SBF2: variants seen among roughly 807,000 people sequenced by gnomAD.
SBF2 encodes SET binding factor 2.
A neutral mutation model predicts 225.2 loss-of-function variants in SBF2; 112 were observed. The observed-to-expected ratio is 0.50, with a 90% CI of 0.43 to 0.58. SBF2 has a LOEUF of 0.58. Ranked by LOEUF, SBF2 falls within the 20% of genes least tolerant of loss-of-function variation. The pLI, the probability that SBF2 is intolerant of heterozygous loss-of-function variation, is 0.00. For missense variants in SBF2, 1,996 were observed against 2,206.2 expected, an observed-to-expected ratio of 0.90 and a Z score of 1.91; for synonymous variants, 763 against 773.3, an observed-to-expected ratio of 0.99 and a Z score of 0.22.
At chr11:9,862,737 A>T (rs1430167494) in intron 17 of SBF2, among the ~76,000 whole-genome samples, 1 of 152,070 alleles carries the variant, frequency 6.6e-6, no homozygotes, top group African/African-American at 2.4e-5. Flanking sequence ...TTATTTAAAA[A>T]AATTTTTTTT....
intron 24 of SBF2, among the ~76,000 whole-genome samples, chr11:9,844,847 T>C (rs12574461): frequency 0.083 from 12,571 of 152,198 alleles, 592 homozygotes; most frequent in East Asian, 0.16. Context: ...CCATGGCACA[T>C]GTATACCTAT....
intron 2 of SBF2, among the ~76,000 whole-genome samples, chr11:10,064,911 T>C (rs1055323920): frequency 2.6e-5 from 4 of 152,186 alleles, no homozygotes; most frequent in Non-Finnish European, 5.9e-5. Flanking sequence ...GAACAATCTG[T>C]CAATCAACTT....
intron 2 of SBF2, among the ~76,000 whole-genome samples, chr11:10,120,949 A>G: frequency 6.6e-6 from 1 of 151,656 alleles, no homozygotes; most frequent in Non-Finnish European, 1.5e-5. Flanking sequence ...TATTTTTGGT[A>G]GAGACGAGGT....
At chr11:10,296,609 C>T (rs532980302), upstream of SBF2, among the ~76,000 whole-genome samples, 5 of 152,204 alleles carry the variant, frequency 3.3e-5, no homozygotes, top group African/African-American at 9.6e-5. Flanking sequence ...TATGTATATA[C>T]CATATTTTGT....
chr11:9,845,507 C>T, intron 24 of SBF2, 58 bp downstream of exon 24: 2 of 1,449,868 alleles, frequency 1.4e-6, no homozygotes, highest in South Asian at 2.3e-5. Flanking sequence ...GGATAGGTTA[C>T]TCCTTTTGCA....
Position 10,101,645 on chromosome 11 carries a change from C to G in SBF2, c.142-58664G>C, listed in dbSNP as rs182664702. On this transcript the variant is annotated intron_variant, in intron 2 of 39. Transcript: ENST00000256190. ...TACCAGTCAAAAGTTTCTGGTGTGT[C>G]TCTCTCTCTCGCTCTGTGTGTGTGT... Among the ~76,000 whole-genome samples the G allele has an allele frequency of 1.4e-3, 173 of 127,724 alleles. 1 individual carries two copies. The highest frequency in any genetic ancestry group is 3.7e-3 in the Middle Eastern group (1 of 268). 83.8% of individuals were successfully genotyped at this position (127,724 alleles called of 152,430 possible).
At chr11:10,160,663 G>GA (rs1955689941) in intron 2 of SBF2, among the ~76,000 whole-genome samples, 1 of 151,920 alleles carries the variant, frequency 6.6e-6, no homozygotes, top group Non-Finnish European at 1.5e-5. Context: ...ATGAGAGAGA[G>GA]AAAAAAAGTT....
intron 1 of SBF2, among the ~76,000 whole-genome samples, chr11:10,299,817 T>A (rs920826414): frequency 2.0e-5 from 3 of 152,244 alleles, no homozygotes; most frequent in African/African-American, 7.2e-5. Context: ...CTAATCTATC[T>A]ACCACATTCC....
At chr11:9,954,680 GCAAAAA>G (rs112006124) in intron 16 of SBF2, among the ~76,000 whole-genome samples, 139 of 151,804 alleles carry the variant, frequency 9.2e-4, no homozygotes, top group African/African-American at 2.3e-3. Flanking sequence ...TTTGAAAGCT[GCAAAAA>G]CAAAAACAAA....
intron 1 of SBF2, among the ~76,000 whole-genome samples, chr11:10,235,319 G>T (rs1959022207): frequency 6.6e-6 from 1 of 152,216 alleles, no homozygotes. Flanking sequence ...TGGATCACCT[G>T]AGGTGAAGAG....
intron 4 of SBF2, 28 bp downstream of exon 4, chr11:10,031,020 T>C (rs779835257): frequency 1.9e-6 from 3 of 1,578,058 alleles, no homozygotes; most frequent in Non-Finnish European, 2.6e-6. Context: ...ATAATACAAA[T>C]TAATAATGAT....
At chr11:10,258,830 T>G (rs958939170) in intron 1 of SBF2, among the ~76,000 whole-genome samples, 1 of 151,720 alleles carries the variant, frequency 6.6e-6, no homozygotes, top group Non-Finnish European at 1.5e-5. Flanking sequence ...AAACAAACAA[T>G]AAAGCAGAGG....
At chr11:10,158,020 A>C (rs763295638) in intron 2 of SBF2, among the ~76,000 whole-genome samples, 5 of 152,244 alleles carry the variant, frequency 3.3e-5, no homozygotes, top group African/African-American at 4.8e-5. Flanking sequence ...TGAAATTAGA[A>C]ATCAATAATG....
chr11:10,249,550 T>A (rs4910116), intron 1 of SBF2, among the ~76,000 whole-genome samples: 29,885 of 152,060 alleles, frequency 0.2, 3,119 homozygotes, highest in Middle Eastern at 0.26. Context: ...AAAATTTTTG[T>A]CTCATTATTT....
intron 16 of SBF2, chr11:9,959,076 AG>A: frequency 6.6e-7 from 1 of 1,509,736 alleles, no homozygotes; most frequent in South Asian, 1.2e-5. Flanking sequence ...TCCAGTTCCC[AG>A]GAATGGGCTT....
intron 16 of SBF2, among the ~76,000 whole-genome samples, chr11:9,933,247 CAACGAGACAGAAGGTT>C (rs139588558): frequency 0.2 from 30,750 of 151,954 alleles, 3,791 homozygotes; most frequent in Non-Finnish European, 0.29. Context: ...TTACACAGAT[CAACGAGACAGAAGGTT>C]AACAAGGATA....
At chr11:10,080,293 T>C (rs1951316056) in intron 2 of SBF2, among the ~76,000 whole-genome samples, 1 of 147,730 alleles carries the variant, frequency 6.8e-6, no homozygotes, top group Non-Finnish European at 1.5e-5. Context: ...TTTTATATCC[T>C]GCTAGAATAA....
chr11:10,179,071 AT>A (rs1292166037), intron 2 of SBF2, among the ~76,000 whole-genome samples: 1 of 149,290 alleles, frequency 6.7e-6, no homozygotes, highest in East Asian at 2.0e-4. Context: ...GGAAATCATC[AT>A]TCTCAGTAAA....
chr11:9,856,534 T>C lies in SBF2; in HGVS notation c.2287A>G (p.Thr763Ala), dbSNP rs755437486. 1 of 1,614,192 alleles carries C rather than the reference T, an allele frequency of 6.2e-7. No homozygotes were observed. Among genetic ancestry groups the C allele is most frequent in the East Asian group, 2.2e-5 (1 of 44,874 alleles). ...GTTCTTAGGAGCTTGTTTTTACTTGTGTCGAGTGGAACTAGCAGGTTCACC... is the reference window on the plus strand; with the variant it reads ...GTTCTTAGGAGCTTGTTTTTACTTGCGTCGAGTGGAACTAGCAGGTTCACC... Reference protein sequence around the residue: ...LMVNLLVPLDTSKNKLLRTSA... With the variant: ...LMVNLLVPLDASKNKLLRTSA... Residue 763 changes from threonine to alanine, a missense_variant, in exon 19 of 40, where the codon ACA (threonine) becomes GCA (alanine). By Grantham distance (58) the Thr-to-Ala change is moderately conservative (BLOSUM62 0). Transcript: ENST00000256190.
Sources: allele counts gnomAD v4.1 joint callset (sites outside exome capture counted in the v4.1 genomes callset), GRCh38; gene constraint gnomAD v4.1.1; transcripts MANE v1.5; gene names NCBI Gene and HGNC (gene_info 2026-07-23, HGNC 2026-07-21).